NALF1: variants seen among roughly 807,000 people sequenced by gnomAD.
The protein encoded by NALF1 is NALCN channel auxiliary factor 1, also known as family with sequence similarity 155 member A.
Under a neutral mutation model 48.4 loss-of-function variants are expected in NALF1, and 3 were observed. The observed-to-expected ratio is 0.06, with a 90% CI of 0.03 to 0.16. The LOEUF is 0.16. Ranked by LOEUF, NALF1 falls within the 10% of genes least tolerant of loss-of-function variation. NALF1 has a pLI of 1.00. For missense variants in NALF1, 526 were observed against 571.5 expected (o/e 0.92, Z 0.81); for synonymous variants, 262 against 245.7 (o/e 1.07, Z -0.62).
intron 1 of NALF1, among the ~76,000 whole-genome samples, chr13:107,741,244 C>T (rs1876624860): frequency 6.6e-6 from 1 of 152,168 alleles, no homozygotes; most frequent in Non-Finnish European, 1.5e-5. Flanking sequence ...ACTATGGAGA[C>T]CTTCTCTCAG....
At chr13:107,430,904 A>G (rs1372459923) in intron 1 of NALF1, among the ~76,000 whole-genome samples, 1 of 152,178 alleles carries the variant, frequency 6.6e-6, no homozygotes, top group Non-Finnish European at 1.5e-5. Context: ...GAACTAGTTT[A>G]CAGCCCCACC....
At chr13:107,490,837 A>G (rs1885404162) in intron 1 of NALF1, among the ~76,000 whole-genome samples, 1 of 152,162 alleles carries the variant, frequency 6.6e-6, no homozygotes, top group Admixed American at 6.6e-5. Flanking sequence ...TGTACTTGAG[A>G]GGCTAATAGA....
At chr13:107,512,713 A>T (rs889991228) in intron 1 of NALF1, among the ~76,000 whole-genome samples, 10 of 152,188 alleles carry the variant, frequency 6.6e-5, no homozygotes, top group Non-Finnish European at 1.5e-4. Flanking sequence ...GGAAAGGGGC[A>T]GTCATCAAGG....
At chr13:107,660,655 T>G (rs1236827049) in intron 1 of NALF1, among the ~76,000 whole-genome samples, 1 of 152,152 alleles carries the variant, frequency 6.6e-6, no homozygotes, top group Non-Finnish European at 1.5e-5. Flanking sequence ...AGATTATCTT[T>G]AGGCCATTGA....
chr13:107,724,414 G>A lies in NALF1; in HGVS notation c.915+141268C>T, dbSNP rs188680990. On this transcript the variant is annotated intron_variant, in intron 1 of 2. Coordinates refer to ENST00000375915, the MANE Select transcript of NALF1 (RefSeq NM_001080396.3). ...TTTTATCTTATTTCTTTTTAATGTT[G>A]TAAAATATCTTGATAAAACCCAGAA... Among the ~76,000 whole-genome samples the A allele has an allele frequency of 1.6e-3, 240 of 152,164 alleles. 2 individuals are homozygous for A. Among genetic ancestry groups the A allele is most frequent in the Middle Eastern group, 3.4e-3 (1 of 292 alleles).
At chr13:107,860,312 T>C (rs1460285259) in intron 1 of NALF1, among the ~76,000 whole-genome samples, 1 of 152,222 alleles carries the variant, frequency 6.6e-6, no homozygotes, top group African/African-American at 2.4e-5. Context: ...TTTTTAAAAA[T>C]ATCTGAGTTA....
chr13:107,551,236 T>C (rs1483013518), intron 1 of NALF1, among the ~76,000 whole-genome samples: 1 of 152,194 alleles, frequency 6.6e-6, no homozygotes, highest in Non-Finnish European at 1.5e-5. Context: ...ACTCTATTTG[T>C]TAGTTATTTG....
intron 1 of NALF1, among the ~76,000 whole-genome samples, chr13:107,683,756 G>A (rs536544893): frequency 2.8e-4 from 42 of 152,260 alleles, no homozygotes; most frequent in African/African-American, 9.9e-4. Flanking sequence ...CCTCTCTCCT[G>A]GGATTCCCTT....
chr13:107,756,440 T>TATATATATAC lies in NALF1; in HGVS notation c.915+109241_915+109242insGTATATATAT, dbSNP rs1484949447. ...ATATTAAATAAGTTTAATGGCTATATATATATATATATATAAAGCATAAAT... is the reference window on the plus strand; with the variant it reads ...ATATTAAATAAGTTTAATGGCTATATATATATATACATATATATATATATAAAGCATAAAT... On this transcript the variant is annotated intron_variant, in intron 1 of 2. Coordinates refer to ENST00000375915, the MANE Select transcript of NALF1 (RefSeq NM_001080396.3). Among the ~76,000 whole-genome samples, 98 of 149,186 alleles carry TATATATATAC rather than the reference T, an allele frequency of 6.6e-4. 1 individual carries two copies. Among genetic ancestry groups the TATATATATAC allele is most frequent in the African/African-American group, 2.2e-3 (86 of 39,852 alleles).
At chr13:107,331,821 A>G (rs1359840824) in intron 1 of NALF1, among the ~76,000 whole-genome samples, 2 of 152,150 alleles carry the variant, frequency 1.3e-5, no homozygotes, top group Non-Finnish European at 2.9e-5. Flanking sequence ...TAGAAAAGAG[A>G]ATCAAAATGT....
At chr13:107,445,348 G>C (rs1884632493) in intron 1 of NALF1, among the ~76,000 whole-genome samples, 1 of 142,940 alleles carries the variant, frequency 7.0e-6, no homozygotes, top group Admixed American at 6.9e-5. Flanking sequence ...GTAAACTTTT[G>C]AGACTAGCTA....
At chr13:107,657,101 C>T (rs1294524316) in intron 1 of NALF1, among the ~76,000 whole-genome samples, 1 of 151,908 alleles carries the variant, frequency 6.6e-6, no homozygotes, top group African/African-American at 2.4e-5. Context: ...GCACCAAAAT[C>T]TCAGAAATCA....
intron 1 of NALF1, among the ~76,000 whole-genome samples, chr13:107,232,932 CAG>C (rs1880257620): frequency 6.6e-6 from 1 of 152,138 alleles, no homozygotes; most frequent in Admixed American, 6.5e-5. Context: ...AACTGAGACT[CAG>C]AGAAGCCAAA....
intron 1 of NALF1, among the ~76,000 whole-genome samples, chr13:107,321,442 C>T (rs1172417065): frequency 6.6e-6 from 1 of 152,100 alleles, no homozygotes; most frequent in African/African-American, 2.4e-5. Flanking sequence ...ATAAAATTTG[C>T]TTTGTGAGTT....
intron 1 of NALF1, among the ~76,000 whole-genome samples, chr13:107,365,550 C>G (rs1032612034): frequency 6.6e-6 from 1 of 152,160 alleles, no homozygotes; most frequent in Non-Finnish European, 1.5e-5. Context: ...GTATGGATAT[C>G]ATATTTGTGG....
At position 107,740,431 on chromosome 13, in the gene NALF1, AATT is replaced by A. The variant is rs567176136; in HGVS notation, c.915+125248_915+125250del. Among the ~76,000 whole-genome samples, 662 of 152,256 alleles carry A rather than the reference AATT, an allele frequency of 4.3e-3. 4 individuals are homozygous for A. Among genetic ancestry groups the A allele is most frequent in the African/African-American group, 0.015 (619 of 41,562 alleles). Reference sequence around the variant, plus strand: ...TGGAGATTAGAAGATAAAAATTGCAAATTATTATTTTTGCTTTGGGGGATTTAG... The same window carrying A: ...TGGAGATTAGAAGATAAAAATTGCAAATTATTTTTGCTTTGGGGGATTTAG... On this transcript the variant is annotated intron_variant, in intron 1 of 2. Coordinates refer to ENST00000375915, the MANE Select transcript of NALF1 (RefSeq NM_001080396.3).
intron 1 of NALF1, among the ~76,000 whole-genome samples, chr13:107,834,174 A>G (rs184581759): frequency 7.4e-4 from 113 of 152,304 alleles, no homozygotes; most frequent in Admixed American, 1.6e-3. Context: ...TTTAATGTAC[A>G]TGGGAGAACA....
chr13:107,664,867 G>A (rs767464274), intron 1 of NALF1, among the ~76,000 whole-genome samples: 2 of 151,940 alleles, frequency 1.3e-5, no homozygotes, highest in Non-Finnish European at 2.9e-5. Context: ...GTGTGTCTCT[G>A]CCCAGGGGTT....
At chr13:107,510,295 GTTCAT>G (rs1170255332) in intron 1 of NALF1, among the ~76,000 whole-genome samples, 1 of 152,100 alleles carries the variant, frequency 6.6e-6, no homozygotes. Flanking sequence ...ATTAAGCTCA[GTTCAT>G]TTCATGATTC....
Sources: gnomAD v4.1 joint callset for allele counts (sites outside exome capture counted in the v4.1 genomes callset) on GRCh38, gnomAD v4.1.1 for gene constraint, MANE v1.5 for transcripts, NCBI Gene and HGNC (gene_info 2026-07-23, HGNC 2026-07-21) for gene names.